Variants in KAZN observed in about 807,000 individuals in gnomAD.
The protein encoded by KAZN is kazrin, periplakin interacting protein, also known as kazrin.
In KAZN, 40 loss-of-function variants were observed where a neutral mutation model predicts 87.4. The ratio of observed to expected loss-of-function variants is 0.46; its 90% CI spans 0.36 to 0.60. The LOEUF (loss-of-function observed/expected upper bound fraction) is 0.60. KAZN is among the 20% of genes least tolerant of loss of function. The pLI is 0.00. For synonymous variants in KAZN, 466 were observed against 458.3 expected (o/e 1.02, Z -0.22); for missense variants, 898 against 1,073.9 (o/e 0.84, Z 2.29).
chr1:15,011,534 C>T (rs995341617), intron 2 of KAZN, among the ~76,000 whole-genome samples: 24 of 152,182 alleles, frequency 1.6e-4, no homozygotes, highest in Non-Finnish European at 3.2e-4. Flanking sequence ...CTGACTCCCC[C>T]TCCCCCAACC....
At chr1:14,977,919 G>A (rs1281586754) in intron 2 of KAZN, among the ~76,000 whole-genome samples, 4 of 121,782 alleles carry the variant, frequency 3.3e-5, no homozygotes, top group African/African-American at 7.1e-5. Context: ...TTGAGGTGGA[G>A]TTTCGCTCTT....
At chr1:14,333,921 G>A (rs953928532) in intron 2 of KAZN, among the ~76,000 whole-genome samples, 1 of 152,140 alleles carries the variant, frequency 6.6e-6, no homozygotes, top group South Asian at 2.1e-4. Context: ...GTATGGGAGA[G>A]GGAAGGACTG....
chr1:14,478,222 ATAG>A, intron 2 of KAZN, among the ~76,000 whole-genome samples: 3 of 150,490 alleles, frequency 2.0e-5, no homozygotes, highest in African/African-American at 7.4e-5. Context: ...AGATGGATGG[ATAG>A]AAGGAAGGAA....
chr1:14,523,540 C>A lies in KAZN; in HGVS notation c.250-75443C>A, dbSNP rs551233158. ...AATGTCACAAAGTCATGAATAATTA[C>A]CACGAGGGACACTTCCCCAGCTTTT... On this transcript the variant is annotated intron_variant, in intron 2 of 16. Coordinates refer to the KAZN transcript ENST00000636203. 4.6e-5 allele frequency among the ~76,000 whole-genome samples: 7 copies of A among 152,352 alleles called. No homozygotes were observed. The East Asian group carries it at 1.4e-3, about 29-fold the overall frequency.
At position 14,847,978 on chromosome 1, in the gene KAZN, TCAAAAACAAAAA is replaced by T. The variant is rs529670829; in HGVS notation, c.227-112692_227-112681del. Among the ~76,000 whole-genome samples the T allele has an allele frequency of 3.3e-5, 5 of 152,252 alleles. No individual in the cohort carries two copies. The East Asian group carries it at 5.8e-4, about 18-fold the overall frequency. On this transcript the variant is annotated intron_variant, in intron 1 of 14. Transcript: ENST00000376030. Reference sequence around the variant, plus strand: ...CTGGGCGACAGAGTGAGATTCTGTCTCAAAAACAAAAACAAAAACAAAAACCTGGAACATAGA... The same window carrying T: ...CTGGGCGACAGAGTGAGATTCTGTCTCAAAAACAAAAACCTGGAACATAGA...
intron 1 of KAZN, among the ~76,000 whole-genome samples, chr1:14,791,673 C>G (rs1737353): frequency 0.77 from 117,358 of 152,122 alleles, 45,333 homozygotes; most frequent in South Asian, 0.83. Flanking sequence ...AGCTTAGTCC[C>G]CAGGGGAATG....
chr1:14,653,395 G>T (rs1334046551), intron 1 of KAZN, among the ~76,000 whole-genome samples: 2 of 152,216 alleles, frequency 1.3e-5, no homozygotes, highest in African/African-American at 2.4e-5. Context: ...CCTGGGGCGT[G>T]TTGGGGCCCG....
rs908068300 is a variant in KAZN at position 14,017,854 on chromosome 1, C to T, written c.91+124098C>T. ...TGTCATGCCTGGGTACTTGGCCCAG[C>T]CCCCTCACCAAGACTCCCTGAGAGC... is the stretch of plus-strand genomic sequence containing the variant. On this transcript the variant is annotated intron_variant, in intron 1 of 16. Coordinates refer to the KAZN transcript ENST00000636203. Among the ~76,000 whole-genome samples, 3 of 152,276 alleles carry T rather than the reference C, an allele frequency of 2.0e-5. No homozygotes were observed. The East Asian group carries it at 5.8e-4, about 29-fold the overall frequency.
At chr1:14,032,867 A>G (rs1641387175) in intron 1 of KAZN, among the ~76,000 whole-genome samples, 1 of 152,170 alleles carries the variant, frequency 6.6e-6, no homozygotes, top group African/African-American at 2.4e-5. Flanking sequence ...TCATTTCATT[A>G]CATTCTCCCA....
intron 1 of KAZN, among the ~76,000 whole-genome samples, chr1:14,876,278 G>T (rs1652757703): frequency 6.6e-6 from 1 of 152,202 alleles, no homozygotes; most frequent in Non-Finnish European, 1.5e-5. Context: ...TTCCAATCTT[G>T]TGGTAGCTGC....
chr1:15,004,745 T>G (rs991846171), intron 2 of KAZN, among the ~76,000 whole-genome samples: 3 of 152,166 alleles, frequency 2.0e-5, no homozygotes, highest in African/African-American at 7.2e-5. Context: ...TAGCATTAAA[T>G]GGGGGGTTCA....
intron 1 of KAZN, among the ~76,000 whole-genome samples, chr1:13,975,990 C>T (rs143606022): frequency 5.3e-5 from 8 of 152,314 alleles, no homozygotes; most frequent in Non-Finnish European, 1.2e-4. Context: ...TAATTTTGTT[C>T]AGTCCATTGC....
chr1:14,293,129 A>G (rs1328686130), intron 2 of KAZN, among the ~76,000 whole-genome samples: 1 of 152,236 alleles, frequency 6.6e-6, no homozygotes, highest in Non-Finnish European at 1.5e-5. Context: ...AAACAAGGAA[A>G]GAGTCACAGA....
At chr1:14,271,730 G>C (rs1651951343) in intron 2 of KAZN, among the ~76,000 whole-genome samples, 1 of 152,176 alleles carries the variant, frequency 6.6e-6, no homozygotes, top group African/African-American at 2.4e-5. Context: ...TCAAGATAGA[G>C]AATCTGATTG....
chr1:14,092,634 TACACAC>T, intron 1 of KAZN, among the ~76,000 whole-genome samples: 1 of 151,626 alleles, frequency 6.6e-6, no homozygotes, highest in Admixed American at 6.6e-5. Flanking sequence ...TACACACCCT[TACACAC>T]ACACACGCAC....
intron 1 of KAZN, among the ~76,000 whole-genome samples, chr1:14,717,358 G>C (rs548158267): frequency 6.6e-6 from 1 of 152,020 alleles, no homozygotes; most frequent in East Asian, 1.9e-4. Flanking sequence ...CTGGAAAGAG[G>C]GTCTGGAGGC....
Position 14,432,555 on chromosome 1 carries a change from A to AT in KAZN, c.250-166418dup, listed in dbSNP as rs909880085. 8.6e-3 allele frequency among the ~76,000 whole-genome samples: 1,297 copies of AT among 150,254 alleles called. 17 individuals carry two copies. Among genetic ancestry groups the AT allele is most frequent in the African/African-American group, 0.03 (1,232 of 40,954 alleles). ...GGCTGTGGCTTCTTTCTTTTTTATAATTTTTTTTTTAATTTTACTTTAAGT... is the reference window on the plus strand; with the variant it reads ...GGCTGTGGCTTCTTTCTTTTTTATAATTTTTTTTTTTAATTTTACTTTAAGT... On this transcript the variant is annotated intron_variant, in intron 2 of 16. Coordinates refer to the KAZN transcript ENST00000636203.
At chr1:14,154,606 A>G (rs1408037385) in intron 1 of KAZN, among the ~76,000 whole-genome samples, 4 of 152,188 alleles carry the variant, frequency 2.6e-5, no homozygotes, top group Non-Finnish European at 5.9e-5. Flanking sequence ...GCTTTTCCCC[A>G]TTAAGTGTGA....
chr1:14,393,479 G>A (rs1571505207), intron 2 of KAZN, among the ~76,000 whole-genome samples: 1 of 152,052 alleles, frequency 6.6e-6, no homozygotes. Context: ...GTGTGCCTTT[G>A]GGGCCAAGGA....
Sources: allele counts gnomAD v4.1 joint callset (sites outside exome capture counted in the v4.1 genomes callset), GRCh38; gene constraint gnomAD v4.1.1; transcripts MANE v1.5; gene names NCBI Gene and HGNC (gene_info 2026-07-23, HGNC 2026-07-21).